Variants in DHX37 observed in about 807,000 individuals in gnomAD.
The protein encoded by DHX37 is DEAH-box helicase 37.
A neutral mutation model predicts 134.3 loss-of-function variants in DHX37; 52 were observed. That is an observed-to-expected ratio of 0.39 (90% CI 0.31 to 0.49). The LOEUF (loss-of-function observed/expected upper bound fraction) is 0.49. Among genes scored for constraint, DHX37 ranks in the 20% least tolerant of loss-of-function variants. DHX37 has a pLI of 0.93. For missense variants in DHX37, 1,344 were observed against 1,580.8 expected (o/e 0.85, Z 2.54); for synonymous variants, 634 against 670.7 (o/e 0.95, Z 0.85).
rs774302898 is a variant in DHX37 at position 124,950,115 on chromosome 12, CGAGAT to C, written c.3216+29_3216+33del. The C allele has an allele frequency of 3.1e-6, 5 of 1,613,728 alleles. No individual in the cohort carries two copies. The African/African-American group carries it at 6.7e-5, about 22-fold the overall frequency. On this transcript the variant is annotated intron_variant, in intron 24 of 26. Transcript: ENST00000308736. Reference sequence around the variant, plus strand: ...CCGGGCTGCTGCTGCCCACGGTACCCGAGATGAGGGTCTGGAGCCGCTGTGCCACC... The same window carrying C: ...CCGGGCTGCTGCTGCCCACGGTACCCGAGGGTCTGGAGCCGCTGTGCCACC...
Position 124,969,078 on chromosome 12 carries a change from C to T in DHX37, c.1192-110G>A, listed in dbSNP as rs1954463807. On this transcript the variant is annotated intron_variant, in intron 8 of 26. Transcript: ENST00000308736. ...TGCCCACCCCGTTTCCAGCCCCCAC[C>T]CTCTGCCCCTTTCTGGATGCCAAAG... 7.6e-5 allele frequency: 79 copies of T among 1,037,468 alleles called. 4 individuals carry two copies. The South Asian group carries it at 1.2e-3, about 15-fold the overall frequency. 64.3% of individuals were successfully genotyped at this position (1,037,468 alleles called of 1,614,324 possible). A position where few individuals can be genotyped will look rare whatever the true frequency, so the allele number is the denominator to read the frequency against.
In DHX37 at chr12:124,971,271, G is replaced by A. The variant is rs189537175; in HGVS notation, c.1191+31C>T. 3.1e-4 allele frequency: 502 copies of A among 1,603,422 alleles called. 8 individuals carry two copies. In the South Asian group the frequency reaches 4.9e-3, roughly 15 times the overall value. On this transcript the variant is annotated intron_variant, in intron 8 of 26. Coordinates refer to ENST00000308736, the MANE Select transcript of DHX37 (RefSeq NM_032656.4). ...CAGAGCTGGGGGGGGCCTAGGGCTC[G>A]GGGCTCCCCAGCACCCGCCTCCTGC...
chr12:124,969,463 GCACC>G (rs1380812784), intron 8 of DHX37, among the ~76,000 whole-genome samples: 18 of 152,148 alleles, frequency 1.2e-4, no homozygotes, highest in African/African-American at 4.3e-4. Context: ...AGTGGCCAAA[GCACC>G]TCTGTGGGAG....
At chr12:124,954,957 A>T (rs1286385289) in intron 18 of DHX37, among the ~76,000 whole-genome samples, 1 of 152,214 alleles carries the variant, frequency 6.6e-6, no homozygotes, top group Admixed American at 6.5e-5. Flanking sequence ...TCACTTGCCT[A>T]AGGTCACACA....
chr12:124,983,827 C>T (rs1411631764), intron 2 of DHX37, among the ~76,000 whole-genome samples: 1 of 151,168 alleles, frequency 6.6e-6, no homozygotes, highest in African/African-American at 2.4e-5. Flanking sequence ...GTGAGTAAGT[C>T]TTCCCCCTAC....
chr12:124,948,321 G>T (rs539722454), intron 25 of DHX37, 140 bp from the exon 26 acceptor site: 1 of 1,404,946 alleles, frequency 7.1e-7, no homozygotes, highest in Non-Finnish European at 9.4e-7. Flanking sequence ...ATGGTGACAT[G>T]CACCTGTAGC....
intron 4 of DHX37, among the ~76,000 whole-genome samples, chr12:124,979,193 C>G (rs1954707256): frequency 6.6e-6 from 1 of 152,006 alleles, no homozygotes; most frequent in Admixed American, 6.6e-5. Context: ...ATGGCAAAAC[C>G]CCGTCTCTAC....
chr12:124,957,985 G>C (rs902874775), intron 16 of DHX37, among the ~76,000 whole-genome samples: 15 of 152,238 alleles, frequency 9.9e-5, no homozygotes, highest in Non-Finnish European at 1.5e-4. Context: ...CTCAGGGAAA[G>C]ACGCCGGGCA....
In DHX37 at chr12:124,986,284, T is replaced by G. The variant is rs781730595; in HGVS notation, c.107-19A>C. ...TCCTTGTCTGAGAGAGCACAGTTAT[T>G]AAGTCCCCATTCTCCTTGAGGTAGC... On this transcript the variant is annotated intron_variant, in intron 1 of 26. Transcript: ENST00000308736. 2 of 1,611,320 alleles carry G rather than the reference T, an allele frequency of 1.2e-6. No homozygotes were observed. Among genetic ancestry groups the G allele is most frequent in the Non-Finnish European group, 1.7e-6 (2 of 1,179,412 alleles).
intron 3 of DHX37, among the ~76,000 whole-genome samples, chr12:124,981,992 G>A (rs1176694861): frequency 6.6e-6 from 1 of 151,794 alleles, no homozygotes; most frequent in African/African-American, 2.4e-5. Context: ...GCTTGGTGGT[G>A]CATGCCTGTA....
rs202170927 is a variant in DHX37 at position 124,968,957 on chromosome 12, T to C, written c.1203A>G (p.Pro401=). The change falls in exon 9 of 27, where the codon CCA becomes CCG. Residue 401 remains proline (P), a synonymous_variant. Coordinates refer to ENST00000308736, the MANE Select transcript of DHX37 (RefSeq NM_032656.4). ...IVTLRAKRNL[P]LKLLIMSATL... is the part of the protein sequence containing the mutation. Reference sequence around the variant, plus strand: ...TGGCCGACATGATGAGCAGCTTGAGTGGCAGGTTCCTCTGCAAAAGGACAG... The same window carrying C: ...TGGCCGACATGATGAGCAGCTTGAGCGGCAGGTTCCTCTGCAAAAGGACAG... 6.2e-7 allele frequency: 1 copy of C among 1,613,754 alleles called. No homozygotes were observed. Among genetic ancestry groups the C allele is most frequent in the East Asian group, 2.2e-5 (1 of 44,864 alleles).
chr12:124,952,672 A>C lies in DHX37; in HGVS notation c.2696-102T>G, dbSNP rs190601363. 112 of 1,271,336 alleles carry C rather than the reference A, an allele frequency of 8.8e-5. 1 individual carries two copies. In the East Asian group the frequency reaches 3.2e-3, roughly 36 times the overall value. 78.8% of individuals were successfully genotyped at this position (1,271,336 alleles called of 1,614,324 possible). On this transcript the variant is annotated intron_variant, in intron 20 of 26. Coordinates refer to ENST00000308736, the MANE Select transcript of DHX37 (RefSeq NM_032656.4). ...CAACCATGCTCAGTGCTCTAGCCTCAGCCACCTGCTTGTCTCAACCCCTCC... is the reference window on the plus strand; with the variant it reads ...CAACCATGCTCAGTGCTCTAGCCTCCGCCACCTGCTTGTCTCAACCCCTCC...
At chr12:124,959,855 TTCC>T (rs1433963066) in intron 16 of DHX37, among the ~76,000 whole-genome samples, 1 of 152,190 alleles carries the variant, frequency 6.6e-6, no homozygotes, top group Non-Finnish European at 1.5e-5. Context: ...CTGCCTCCGT[TTCC>T]TCATCAGTTA....
rs1244425151 is a variant in DHX37 at position 124,980,943 on chromosome 12, G to A, written c.390-105C>T. 7.9e-7 allele frequency: 1 copy of A among 1,271,866 alleles called. No homozygotes were observed. The highest frequency in any genetic ancestry group is 2.7e-5 in the Admixed American group (1 of 36,946). The allele number at this position is 1,271,866 out of a possible 1,614,324, so 78.8% of individuals were successfully genotyped here. On this transcript the variant is annotated intron_variant, in intron 3 of 26. Transcript: ENST00000308736. The surrounding 1 kb of genome is among the most constrained non-coding windows in gnomAD (Gnocchi z 5.3). The stretch of plus-strand genomic sequence containing the variant: ...CTGCCTCAGGGACTTTGCACCTGCT[G>A]TTCCACTCCCTGAAATGCCCTTCCT...
intron 10 of DHX37, among the ~76,000 whole-genome samples, chr12:124,967,972 T>C (rs1343149026): frequency 6.6e-6 from 1 of 151,912 alleles, no homozygotes; most frequent in African/African-American, 2.4e-5. Flanking sequence ...TCCCAGCTAC[T>C]TGGGAGGCTG....
At chr12:124,988,247 GC>G (rs1223348377) in intron 1 of DHX37, among the ~76,000 whole-genome samples, 3 of 151,904 alleles carry the variant, frequency 2.0e-5, no homozygotes, top group Non-Finnish European at 4.4e-5. Context: ...ACCTGCCCTG[GC>G]CCCCTGTTTT....
At chr12:124,967,909 A>G (rs1174077818) in intron 10 of DHX37, among the ~76,000 whole-genome samples, 1 of 151,910 alleles carries the variant, frequency 6.6e-6, no homozygotes, top group Non-Finnish European at 1.5e-5. Flanking sequence ...TCTCTACTAA[A>G]ATACAAAAAA....
At chr12:124,969,927 A>C (rs1954479988) in intron 8 of DHX37, among the ~76,000 whole-genome samples, 1 of 152,018 alleles carries the variant, frequency 6.6e-6, no homozygotes, top group Non-Finnish European at 1.5e-5. Context: ...TCGAAAAAAA[A>C]AAACAAAAAC....
Position 124,946,851 on chromosome 12 carries a change from TA to T in DHX37, c.*950del, listed in dbSNP as rs1036813502. On this transcript the variant is annotated 3_prime_UTR_variant, in exon 27 of 27. Coordinates refer to ENST00000308736, the MANE Select transcript of DHX37 (RefSeq NM_032656.4). ...TGGGTGCAAGGAACATTTTATTCCA[TA>T]ACTGTCTCCACCGAAGCCGCAGAAG... 1 of 152,256 alleles carries T rather than the reference TA, an allele frequency of 6.6e-6. No homozygotes were observed. Among genetic ancestry groups the T allele is most frequent in the African/African-American group, 2.4e-5 (1 of 41,454 alleles). The allele number at this position is 152,256 out of a possible 1,614,324, so 9.4% of individuals were successfully genotyped here.
Sources: allele counts gnomAD v4.1 joint callset (sites outside exome capture counted in the v4.1 genomes callset), GRCh38; gene constraint gnomAD v4.1.1; non-coding constraint Gnocchi (gnomAD v3.1); transcripts MANE v1.5; gene names NCBI Gene and HGNC (gene_info 2026-07-23, HGNC 2026-07-21).